MED13L: variants seen among roughly 807,000 people sequenced by gnomAD.
MED13L encodes the protein mediator complex subunit 13L.
Under a neutral mutation model 220.9 loss-of-function variants are expected in MED13L, and 7 were observed. The observed-to-expected ratio is 0.03, with a 90% CI of 0.02 to 0.06. The LOEUF (loss-of-function observed/expected upper bound fraction) is 0.06. MED13L is among the 10% of genes least tolerant of loss of function. MED13L has a pLI of 1.00. For missense variants in MED13L, 1,965 were observed against 2,760.5 expected, an observed-to-expected ratio of 0.71 and a Z score of 6.46; for synonymous variants, 1,011 against 1,015.2, an observed-to-expected ratio of 1.00 and a Z score of 0.08.
intron 2 of MED13L, among the ~76,000 whole-genome samples, chr12:116,169,789 A>C (rs1159650015): frequency 2.0e-5 from 3 of 152,192 alleles, no homozygotes; most frequent in African/African-American, 7.2e-5. Flanking sequence ...CAGGAGGATC[A>C]CTTAAAGGCC....
chr12:116,276,490 G>A (rs1873845160), intron 1 of MED13L: 2 of 1,287,934 alleles, frequency 1.6e-6, no homozygotes, highest in African/African-American at 1.5e-5. Context: ...CCGAGAGGCA[G>A]GCGGCTGTCG....
chr12:115,984,004 AT>A (rs931360087), intron 20 of MED13L, among the ~76,000 whole-genome samples, 175 bp downstream of exon 20: 1 of 152,230 alleles, frequency 6.6e-6, no homozygotes, highest in African/African-American at 2.4e-5. Context: ...TTTTTAAAAA[AT>A]ATATGTCCAT....
chr12:116,068,775 T>G (rs1870146483), intron 4 of MED13L, among the ~76,000 whole-genome samples: 1 of 150,438 alleles, frequency 6.6e-6, no homozygotes, highest in South Asian at 2.1e-4. Flanking sequence ...TTGTTAAGAT[T>G]CTAACCTGTA....
chr12:116,132,727 C>G (rs142467366), intron 2 of MED13L, among the ~76,000 whole-genome samples: 1 of 152,102 alleles, frequency 6.6e-6, no homozygotes, highest in Non-Finnish European at 1.5e-5. Flanking sequence ...CGAGACCAGA[C>G]TGGCCAACAT....
At chr12:116,154,797 T>C (rs1221646121) in intron 2 of MED13L, among the ~76,000 whole-genome samples, 2 of 152,138 alleles carry the variant, frequency 1.3e-5, no homozygotes, top group African/African-American at 2.4e-5. Context: ...GATAAAGATA[T>C]TCTTTTTATT....
chr12:116,035,196 A>G (rs1193299423), intron 4 of MED13L, among the ~76,000 whole-genome samples: 3 of 152,142 alleles, frequency 2.0e-5, no homozygotes, highest in Admixed American at 1.3e-4. Flanking sequence ...GAACAAAAAT[A>G]TACAAGCGTG....
intron 2 of MED13L, among the ~76,000 whole-genome samples, chr12:116,119,062 T>C (rs758083126): frequency 6.6e-6 from 1 of 152,176 alleles, no homozygotes; most frequent in Non-Finnish European, 1.5e-5. Context: ...CTATGAGACA[T>C]CTGGCACACT....
At chr12:116,240,928 A>C (rs1210656684) in intron 1 of MED13L, among the ~76,000 whole-genome samples, 1 of 152,238 alleles carries the variant, frequency 6.6e-6, no homozygotes, top group East Asian at 1.9e-4. Context: ...GGTAAGCAGA[A>C]GACTAACTTC....
intron 2 of MED13L, among the ~76,000 whole-genome samples, chr12:116,234,417 A>AGGG (rs1869881803): frequency 6.6e-6 from 1 of 151,750 alleles, no homozygotes; most frequent in Non-Finnish European, 1.5e-5. Context: ...TTTACTAGAG[A>AGGG]GGGGGTTTCA....
At chr12:115,973,508 C>T (rs941304903) in intron 25 of MED13L, among the ~76,000 whole-genome samples, 8 of 152,234 alleles carry the variant, frequency 5.3e-5, no homozygotes, top group Admixed American at 5.2e-4. Context: ...AAGAATGTGC[C>T]CTTACAAAAA....
At chr12:116,025,527 C>A (rs562287124) in intron 4 of MED13L, among the ~76,000 whole-genome samples, 39 of 152,238 alleles carry the variant, frequency 2.6e-4, no homozygotes, top group African/African-American at 8.7e-4. Context: ...GTATATAATA[C>A]ACAATGGAAT....
intron 2 of MED13L, among the ~76,000 whole-genome samples, chr12:116,213,938 AAC>A (rs1417261041): frequency 1.3e-5 from 2 of 152,218 alleles, no homozygotes; most frequent in Non-Finnish European, 2.9e-5. Flanking sequence ...GTACCTAGCA[AAC>A]ACAGTGTTAC....
At chr12:116,019,149 A>C in intron 7 of MED13L, 75 bp downstream of exon 7, 7 of 1,447,412 alleles carry the variant, frequency 4.8e-6, no homozygotes, top group Non-Finnish European at 3.8e-6. Context: ...CTGTTTTCTC[A>C]CCTGTTCCAT....
intron 2 of MED13L, among the ~76,000 whole-genome samples, chr12:116,128,121 A>T (rs1875750723): frequency 6.6e-6 from 1 of 152,192 alleles, no homozygotes. Context: ...AGACAACTGT[A>T]AGAAATTATT....
chr12:116,006,780 T>G (rs1879073459), intron 11 of MED13L: 1 of 254,516 alleles, frequency 3.9e-6, no homozygotes, highest in Non-Finnish European at 7.6e-6. Context: ...TATAAAACAA[T>G]CTAAAAAGCA....
At chr12:116,143,404 A>G (rs888697042) in intron 2 of MED13L, among the ~76,000 whole-genome samples, 1 of 152,034 alleles carries the variant, frequency 6.6e-6, no homozygotes, top group Non-Finnish European at 1.5e-5. Flanking sequence ...ACAGAAATTT[A>G]GCATGCTCCT....
At chr12:116,033,156 A>G (rs1235402645) in intron 4 of MED13L, among the ~76,000 whole-genome samples, 1 of 152,106 alleles carries the variant, frequency 6.6e-6, no homozygotes, top group African/African-American at 2.4e-5. Context: ...GACTTTATAG[A>G]GGGGTTTGTT....
At chr12:116,115,274 G>A (rs931777126) in intron 2 of MED13L, among the ~76,000 whole-genome samples, 1 of 151,908 alleles carries the variant, frequency 6.6e-6, no homozygotes, top group African/African-American at 2.4e-5. Context: ...ATTCAACAAA[G>A]GTGCCAAGGC....
intron 4 of MED13L, among the ~76,000 whole-genome samples, chr12:116,064,921 C>G (rs78364567): frequency 1.3e-5 from 2 of 152,160 alleles, no homozygotes; most frequent in South Asian, 4.2e-4. Flanking sequence ...GCATATAGTC[C>G]GCTTTAAAAT....
Sources: gnomAD v4.1 joint callset for allele counts (sites outside exome capture counted in the v4.1 genomes callset) on GRCh38, gnomAD v4.1.1 for gene constraint, MANE v1.5 for transcripts, NCBI Gene and HGNC (gene_info 2026-07-23, HGNC 2026-07-21) for gene names.